Variants in GRID1 observed in about 807,000 individuals in gnomAD.
GRID1 encodes glutamate ionotropic receptor delta type subunit 1.
In GRID1, 28 loss-of-function variants were observed where a neutral mutation model predicts 98.0. The observed-to-expected ratio is 0.29, with a 90% CI of 0.21 to 0.39. The LOEUF (loss-of-function observed/expected upper bound fraction) is 0.39, where lower values mean the gene tolerates loss of function less well. Ranked by LOEUF, GRID1 falls within the 10% of genes least tolerant of loss-of-function variation. The pLI is 1.00. For missense variants in GRID1, 1,111 were observed against 1,340.5 expected (o/e 0.83, Z 2.67); for synonymous variants, 553 against 538.5 (o/e 1.03, Z -0.37).
At chr10:85,991,145 T>A in intron 4 of GRID1, among the ~76,000 whole-genome samples, 1 of 152,050 alleles carries the variant, frequency 6.6e-6, no homozygotes, top group East Asian at 1.9e-4. Flanking sequence ...TGTCTGTGGA[T>A]GAGGTGAGGT....
chr10:85,851,950 A>G (rs1590265059), intron 8 of GRID1, among the ~76,000 whole-genome samples: 1 of 150,222 alleles, frequency 6.7e-6, no homozygotes, highest in South Asian at 2.1e-4. Context: ...TCCCAGCCCC[A>G]CCCTTCACAG....
At chr10:85,878,806 A>G (rs1474802061) in intron 5 of GRID1, among the ~76,000 whole-genome samples, 3 of 151,442 alleles carry the variant, frequency 2.0e-5, no homozygotes, top group Non-Finnish European at 4.4e-5. Context: ...AAATGCTCCA[A>G]TTAAAAGACA....
chr10:85,975,072 T>C (rs1352055618), intron 4 of GRID1, among the ~76,000 whole-genome samples: 4 of 152,230 alleles, frequency 2.6e-5, no homozygotes, highest in African/African-American at 9.6e-5. Flanking sequence ...CTCATGCAAA[T>C]CTAAATATGC....
In GRID1 at chr10:85,921,290, G is replaced by A. The variant is rs555387653; in HGVS notation, c.727-5051C>T. ...CACCCTCTGGAAAGAAAAGTGTGCTGTTATAGGCAAACTCCAGCTAAAGAA... is the reference window on the plus strand; with the variant it reads ...CACCCTCTGGAAAGAAAAGTGTGCTATTATAGGCAAACTCCAGCTAAAGAA... On this transcript the variant is annotated intron_variant, in intron 4 of 15. Transcript: ENST00000327946. Among the ~76,000 whole-genome samples the A allele has an allele frequency of 3.3e-5, 5 of 152,340 alleles. No individual in the cohort carries two copies. The South Asian group carries it at 1.0e-3, about 32-fold the overall frequency.
intron 2 of GRID1, among the ~76,000 whole-genome samples, chr10:86,277,118 A>G (rs569073730): frequency 1.3e-5 from 2 of 152,352 alleles, no homozygotes; most frequent in African/African-American, 4.8e-5. Context: ...TGGGAAGATT[A>G]AAATGTTCTC....
chr10:85,626,716 A>C (rs182712387), intron 13 of GRID1, among the ~76,000 whole-genome samples: 110 of 152,302 alleles, frequency 7.2e-4, no homozygotes, highest in African/African-American at 2.4e-3. Flanking sequence ...ATGGCAACAC[A>C]TTACCACATG....
chr10:86,220,241 T>C (rs909672664), intron 2 of GRID1, among the ~76,000 whole-genome samples: 2 of 152,092 alleles, frequency 1.3e-5, no homozygotes, highest in Admixed American at 6.6e-5. Flanking sequence ...AGGACGCCGA[T>C]TGACACAAGA....
At chr10:86,210,968 G>A (rs531277781) in intron 2 of GRID1, among the ~76,000 whole-genome samples, 70 of 152,342 alleles carry the variant, frequency 4.6e-4, no homozygotes, top group African/African-American at 1.5e-3. Flanking sequence ...GCCGGAGTCC[G>A]GGGCCTGCCC....
intron 12 of GRID1, among the ~76,000 whole-genome samples, chr10:85,683,416 G>T (rs1841233267): frequency 6.6e-6 from 1 of 152,162 alleles, no homozygotes; most frequent in Non-Finnish European, 1.5e-5. Flanking sequence ...AAATAGAAAT[G>T]AATCTTCACA....
At chr10:86,094,518 T>C (rs1192295492) in intron 4 of GRID1, among the ~76,000 whole-genome samples, 1 of 152,204 alleles carries the variant, frequency 6.6e-6, no homozygotes, top group Admixed American at 6.5e-5. Context: ...ACAAGACTAA[T>C]GTGCACAAAT....
intron 5 of GRID1, among the ~76,000 whole-genome samples, chr10:85,902,804 C>G (rs1040688093): frequency 6.6e-6 from 1 of 152,170 alleles, no homozygotes; most frequent in Non-Finnish European, 1.5e-5. Context: ...CGGCATTCCC[C>G]TTCTAGGTCA....
At chr10:86,224,068 C>T (rs995710195) in intron 2 of GRID1, among the ~76,000 whole-genome samples, 3 of 152,224 alleles carry the variant, frequency 2.0e-5, no homozygotes, top group Non-Finnish European at 4.4e-5. Flanking sequence ...GAAGGAAAAC[C>T]TTCCTGGGAT....
At chr10:85,704,330 T>C (rs1210656076) in intron 12 of GRID1, among the ~76,000 whole-genome samples, 2 of 152,050 alleles carry the variant, frequency 1.3e-5, no homozygotes, top group Admixed American at 1.3e-4. Context: ...TAGTCTCTGA[T>C]AAAACAGACT....
chr10:86,001,751 A>C (rs1348384086), intron 4 of GRID1, among the ~76,000 whole-genome samples: 3 of 152,206 alleles, frequency 2.0e-5, no homozygotes, highest in Non-Finnish European at 4.4e-5. Context: ...GAACAGCTGC[A>C]TCGAGTGTAT....
intron 4 of GRID1, among the ~76,000 whole-genome samples, chr10:86,085,315 G>A (rs764366605): frequency 1.3e-5 from 2 of 152,190 alleles, no homozygotes; most frequent in African/African-American, 4.8e-5. Context: ...CCCTGCCACT[G>A]CCATTCCGTG....
At chr10:86,064,125 A>G (rs1017223276) in intron 4 of GRID1, among the ~76,000 whole-genome samples, 1 of 152,208 alleles carries the variant, frequency 6.6e-6, no homozygotes, top group Non-Finnish European at 1.5e-5. Flanking sequence ...ATGATAATGT[A>G]TAATCTCCTA....
At chr10:85,934,068 T>G (rs1381736044) in intron 4 of GRID1, among the ~76,000 whole-genome samples, 2 of 152,124 alleles carry the variant, frequency 1.3e-5, no homozygotes, top group Non-Finnish European at 1.5e-5. Flanking sequence ...TGCTGTCTCT[T>G]TCCTCAATCA....
intron 3 of GRID1, among the ~76,000 whole-genome samples, chr10:86,201,734 A>G (rs904298749): frequency 6.6e-6 from 1 of 152,178 alleles, no homozygotes; most frequent in African/African-American, 2.4e-5. Flanking sequence ...ATCCTCTAAA[A>G]CAGTGAAATA....
chr10:86,357,331 C>T (rs1025466428), intron 2 of GRID1, among the ~76,000 whole-genome samples: 1 of 152,204 alleles, frequency 6.6e-6, no homozygotes, highest in Non-Finnish European at 1.5e-5. Flanking sequence ...AAGGGGCTGT[C>T]ACAGGCCAGC....
Sources: allele counts gnomAD v4.1 joint callset (sites outside exome capture counted in the v4.1 genomes callset), GRCh38; gene constraint gnomAD v4.1.1; transcripts MANE v1.5; gene names NCBI Gene and HGNC (gene_info 2026-07-23, HGNC 2026-07-21).